Variants in DPYS observed in about 807,000 individuals in gnomAD.
DPYS encodes the protein dihydropyrimidine amidohydrolase.
DPYS carries 39 observed loss-of-function variants against 50.3 expected under a neutral mutation model. The observed-to-expected ratio is 0.78, with a 90% CI of 0.60 to 1.01. The LOEUF (loss-of-function observed/expected upper bound fraction) is 1.01, where lower values mean the gene tolerates loss of function less well. Among genes scored for constraint, DPYS ranks in the 50% least tolerant of loss-of-function variants. The pLI, the probability that DPYS is intolerant of heterozygous loss-of-function variation, is 0.00. For missense variants in DPYS, 659 were observed against 680.9 expected, an observed-to-expected ratio of 0.97 and a Z score of 0.36; for synonymous variants, 245 against 250.7, an observed-to-expected ratio of 0.98 and a Z score of 0.22.
Position 104,454,327 on chromosome 8 carries a change from G to A in DPYS, c.265-2923C>T, listed in dbSNP as rs143181698. ...CTTGAACCCATGAGGCAGAGGTTGC[G>A]GTGAGCCGAGATCATGCCATTGCAC... is the stretch of plus-strand genomic sequence containing the variant. On this transcript the variant is annotated intron_variant, in intron 1 of 9. Coordinates refer to ENST00000351513, the MANE Select transcript of DPYS (RefSeq NM_001385.3). Among the ~76,000 whole-genome samples, 552 of 152,190 alleles carry A rather than the reference G, an allele frequency of 3.6e-3. 5 individuals are homozygous for A. The highest frequency in any genetic ancestry group is 0.012 in the African/African-American group (506 of 41,524).
intron 7 of DPYS, among the ~76,000 whole-genome samples, chr8:104,410,623 C>T (rs1342613859): frequency 1.3e-5 from 2 of 152,130 alleles, no homozygotes; most frequent in Non-Finnish European, 2.9e-5. Flanking sequence ...ACAAATAACA[C>T]CATTTTCTAC....
chr8:104,466,744 G>T lies in DPYS; in HGVS notation c.177C>A (p.Val59=). 6.5e-7 allele frequency: 1 copy of T among 1,535,720 alleles called. No individual in the cohort carries two copies. The change falls in exon 1 of 10, where the codon GTC becomes GTA. Residue 59 remains valine, a synonymous_variant. Coordinates refer to ENST00000351513, the MANE Select transcript of DPYS (RefSeq NM_001385.3). ...LRVLDAAGKL[V]LPGGIDTHTH... ...TGTGTGTGTCGATGCCTCCGGGCAGGACGAGCTTGCCGGCGGCGTCGAGGA... is the reference window on the plus strand; with the variant it reads ...TGTGTGTGTCGATGCCTCCGGGCAGTACGAGCTTGCCGGCGGCGTCGAGGA...
Position 104,381,318 on chromosome 8 carries a change from A to T in DPYS, c.1444-4T>A, listed in dbSNP as rs1811028127. 3 of 1,613,116 alleles carry T rather than the reference A, an allele frequency of 1.9e-6. No homozygotes were observed. The highest frequency in any genetic ancestry group is 1.3e-5 in the African/African-American group (1 of 74,882). ...CCACAGGGGTAGGTGTGCAAGTCTG[A>T]AAGAGAACATTTCATTTCTCTCTTG... is the stretch of plus-strand genomic sequence containing the variant. On this transcript the variant is annotated splice_region_variant and splice_polypyrimidine_tract_variant and intron_variant, in intron 8 of 9. Transcript: ENST00000351513.
At chr8:104,385,868 G>A (rs533501918) in intron 8 of DPYS, among the ~76,000 whole-genome samples, 22 of 152,276 alleles carry the variant, frequency 1.4e-4, no homozygotes, top group Middle Eastern at 6.8e-3. Flanking sequence ...AGATGCCAGC[G>A]CCTCGTTCTT....
At position 104,438,897 on chromosome 8, in the gene DPYS, C is replaced by T. The variant is rs150150558; in HGVS notation, c.793+5351G>A. The stretch of plus-strand genomic sequence containing the variant: ...CAGCCTGGGCAACATGGTGAAATCC[C>T]GACTCTACAAGAAATTTAAAAATTA... On this transcript the variant is annotated intron_variant, in intron 4 of 9. Coordinates refer to ENST00000351513, the MANE Select transcript of DPYS (RefSeq NM_001385.3). Among the ~76,000 whole-genome samples, 22 of 152,000 alleles carry T rather than the reference C, an allele frequency of 1.4e-4. No individual in the cohort carries two copies. The East Asian group carries it at 3.3e-3, about 23-fold the overall frequency.
chr8:104,425,377 A>C (rs189693296), intron 6 of DPYS, among the ~76,000 whole-genome samples: 11 of 152,198 alleles, frequency 7.2e-5, no homozygotes, highest in Admixed American at 6.5e-4. Flanking sequence ...GTGCGAAAGC[A>C]ATCTGTTTTG....
intron 7 of DPYS, among the ~76,000 whole-genome samples, chr8:104,409,350 T>G (rs2140567095): frequency 6.6e-6 from 1 of 151,994 alleles, no homozygotes; most frequent in Admixed American, 6.5e-5. Flanking sequence ...CTGGGCGTGG[T>G]GGTGCACGCC....
At chr8:104,433,563 G>T (rs1054384767) in intron 4 of DPYS, among the ~76,000 whole-genome samples, 2 of 152,064 alleles carry the variant, frequency 1.3e-5, no homozygotes, top group Non-Finnish European at 2.9e-5. Flanking sequence ...GAACCCAAAA[G>T]GTAGAGGGTG....
chr8:104,421,661 G>T (rs1260728609), intron 7 of DPYS, among the ~76,000 whole-genome samples: 1 of 152,090 alleles, frequency 6.6e-6, no homozygotes, highest in Non-Finnish European at 1.5e-5. Context: ...AAAAAGAAAT[G>T]TGAAAGAACT....
chr8:104,424,500 T>C, intron 6 of DPYS, 111 bp from the exon 7 acceptor site: 4 of 1,145,096 alleles, frequency 3.5e-6, no homozygotes, highest in Non-Finnish European at 5.0e-6. Context: ...CCTAATTTCT[T>C]ATATTGTAGA....
chr8:104,446,107 T>C (rs1813520320), intron 3 of DPYS, among the ~76,000 whole-genome samples: 1 of 152,036 alleles, frequency 6.6e-6, no homozygotes, highest in Non-Finnish European at 1.5e-5. Flanking sequence ...ACTAAAATAA[T>C]ATAATTGGAT....
At position 104,466,755 on chromosome 8, in the gene DPYS, C is replaced by T. The variant is rs1373451792; in HGVS notation, c.166G>A (p.Gly56Ser). The T allele has an allele frequency of 5.2e-6, 8 of 1,535,006 alleles. No homozygotes were observed. The Admixed American group carries it at 9.8e-5, about 19-fold the overall frequency. ...ATGCCTCCGGGCAGGACGAGCTTGC[C>T]GGCGGCGTCGAGGACCCGCAGCCCC... is the stretch of plus-strand genomic sequence containing the variant. ...PAGLRVLDAA[G>S]KLVLPGGIDT... Residue 56 changes from glycine (G) to serine (S), a missense_variant, in exon 1 of 10, where the codon GGC (glycine) becomes AGC (serine). Transcript: ENST00000351513.
intron 1 of DPYS, among the ~76,000 whole-genome samples, chr8:104,453,170 C>T (rs181229692): frequency 3.3e-5 from 5 of 152,266 alleles, no homozygotes; most frequent in Admixed American, 2.6e-4. Flanking sequence ...CTTGGCCCCA[C>T]TCCAATTCTT....
intron 7 of DPYS, chr8:104,419,088 C>G: frequency 1.0e-6 from 1 of 985,058 alleles, no homozygotes; most frequent in South Asian, 4.7e-5. Context: ...AAAATAAGAC[C>G]AGCGAGACAG....
intron 7 of DPYS, among the ~76,000 whole-genome samples, chr8:104,409,002 C>T (rs1322869230): frequency 4.6e-5 from 7 of 151,518 alleles, no homozygotes; most frequent in Non-Finnish European, 7.4e-5. Flanking sequence ...TTAGTAGAGA[C>T]GAGGTTTCAC....
In DPYS at chr8:104,447,450, C is replaced by A. The variant is rs944063911; in HGVS notation, c.477G>T (p.Lys159Asn). The change falls in exon 3 of 10, where the codon AAG becomes AAT. Residue 159 changes from lysine (K) to asparagine (N), a missense_variant. By Grantham distance (94) the Lys-to-Asn change is moderately conservative. Transcript: ENST00000351513. Reference protein sequence around the residue: ...LVQDKGVNSFKMFMAYKDLYM... With the variant: ...LVQDKGVNSFNMFMAYKDLYM... ...ACAGATCTTTATAGGCCATAAACAT[C>A]TTGAAAGAGTTAACACCTTTATCTT... is the stretch of plus-strand genomic sequence containing the variant. The A allele has an allele frequency of 3.7e-6, 6 of 1,613,974 alleles. No individual in the cohort carries two copies. The highest frequency in any genetic ancestry group is 1.7e-5 in the Admixed American group (1 of 59,992).
intron 7 of DPYS, among the ~76,000 whole-genome samples, chr8:104,410,383 T>C (rs916710856): frequency 7.9e-5 from 12 of 152,112 alleles, no homozygotes; most frequent in African/African-American, 2.9e-4. Flanking sequence ...ACTAAAACCC[T>C]CAGACTCTAG....
chr8:104,438,361 A>G (rs373407223), intron 4 of DPYS, among the ~76,000 whole-genome samples: 4 of 152,208 alleles, frequency 2.6e-5, no homozygotes, highest in African/African-American at 9.6e-5. Flanking sequence ...TATTTTAAAA[A>G]GAGCTAATTG....
intron 8 of DPYS, among the ~76,000 whole-genome samples, chr8:104,386,982 T>A (rs1338498399): frequency 1.3e-5 from 2 of 152,190 alleles, no homozygotes; most frequent in African/African-American, 2.4e-5. Flanking sequence ...CCCAAAGGTA[T>A]TAATGATTGA....
Sources: gnomAD v4.1 joint callset for allele counts (sites outside exome capture counted in the v4.1 genomes callset) on GRCh38, gnomAD v4.1.1 for gene constraint, MANE v1.5 for transcripts, NCBI Gene and HGNC (gene_info 2026-07-23, HGNC 2026-07-21) for gene names.